GFRAL: variants seen among roughly 807,000 people sequenced by gnomAD.
GFRAL encodes the protein GDNF family receptor alpha like.
Under a neutral mutation model 45.4 loss-of-function variants are expected in GFRAL, and 36 were observed. That is an observed-to-expected ratio of 0.79 (90% CI 0.61 to 1.05). The LOEUF (loss-of-function observed/expected upper bound fraction) is 1.05. Among genes scored for constraint, GFRAL ranks in the 50% least tolerant of loss-of-function variants. The probability of loss-of-function intolerance (pLI) is 0.00; values close to 1 mark genes in which losing one functional copy is unlikely to be tolerated. For missense variants in GFRAL, 507 were observed against 467.5 expected (o/e 1.08, Z -0.78); for synonymous variants, 166 against 154.1 (o/e 1.08, Z -0.57).
intron 6 of GFRAL, among the ~76,000 whole-genome samples, chr6:55,397,087 G>C (rs1050748439): frequency 9.9e-5 from 15 of 151,966 alleles, no homozygotes; most frequent in Admixed American, 2.0e-4. Context: ...ATGTTGGCCA[G>C]GCTGGCTTCA....
At chr6:55,363,026 G>A (rs575768534) in intron 6 of GFRAL, among the ~76,000 whole-genome samples, 1 of 151,064 alleles carries the variant, frequency 6.6e-6, no homozygotes, top group East Asian at 2.0e-4. Context: ...AGAAGAAGTA[G>A]GAGACAAAAG....
At chr6:55,347,014 T>C (rs2127354069) in intron 3 of GFRAL, among the ~76,000 whole-genome samples, 1 of 152,112 alleles carries the variant, frequency 6.6e-6, no homozygotes, top group South Asian at 2.1e-4. Context: ...CAAAACAGTA[T>C]AAATGAGCAG....
At chr6:55,386,717 G>T (rs1251688620) in intron 6 of GFRAL, among the ~76,000 whole-genome samples, 2 of 152,122 alleles carry the variant, frequency 1.3e-5, no homozygotes, top group Non-Finnish European at 2.9e-5. Flanking sequence ...CTCAAGAGAA[G>T]AGACATGGAG....
intron 3 of GFRAL, among the ~76,000 whole-genome samples, chr6:55,347,979 T>G (rs1471947699): frequency 6.6e-6 from 1 of 151,684 alleles, no homozygotes; most frequent in Non-Finnish European, 1.5e-5. Context: ...AATCAAAATA[T>G]TTACATATAC....
In GFRAL at chr6:55,328,285, G is replaced by C. The variant is rs371603078; in HGVS notation, c.22+709G>C. Among the ~76,000 whole-genome samples, 41 of 151,932 alleles carry C rather than the reference G, an allele frequency of 2.7e-4. 1 individual carries two copies. In the South Asian group the frequency reaches 4.1e-3, roughly 15 times the overall value. On this transcript the variant is annotated intron_variant, in intron 1 of 8. Transcript: ENST00000340465. ...TATTTTATATCTTCTTTAGCATTTG[G>C]TAGAATCTATAAACTGAATTCAGAA...
At chr6:55,357,039 A>T (rs1438831351) in intron 5 of GFRAL, among the ~76,000 whole-genome samples, 2 of 151,836 alleles carry the variant, frequency 1.3e-5, no homozygotes, top group Non-Finnish European at 2.9e-5. Context: ...GTTTTATTCC[A>T]TTGTCATCAG....
chr6:55,355,934 G>A (rs1273674379), intron 5 of GFRAL, among the ~76,000 whole-genome samples: 1 of 151,934 alleles, frequency 6.6e-6, no homozygotes, highest in Admixed American at 6.6e-5. Flanking sequence ...TTATCATGAA[G>A]GAACGTAGAG....
intron 5 of GFRAL, among the ~76,000 whole-genome samples, chr6:55,355,663 T>A (rs1255363709): frequency 6.6e-6 from 1 of 151,994 alleles, no homozygotes; most frequent in Non-Finnish European, 1.5e-5. Flanking sequence ...AATTATATAA[T>A]CTGCAAACAA....
intron 6 of GFRAL, among the ~76,000 whole-genome samples, chr6:55,363,912 C>A (rs1768316225): frequency 6.6e-6 from 1 of 150,386 alleles, no homozygotes; most frequent in South Asian, 2.1e-4. Flanking sequence ...GTGCATGTGT[C>A]TTTATAGCAG....
chr6:55,388,238 A>T (rs940606066), intron 6 of GFRAL, among the ~76,000 whole-genome samples: 1 of 151,916 alleles, frequency 6.6e-6, no homozygotes, highest in African/African-American at 2.4e-5. Context: ...TTCAAAAAAA[A>T]CTCAGTTGCA....
At chr6:55,392,378 C>A (rs1169255007) in intron 6 of GFRAL, among the ~76,000 whole-genome samples, 2 of 152,152 alleles carry the variant, frequency 1.3e-5, no homozygotes, top group African/African-American at 4.8e-5. Context: ...CATAGGTAAC[C>A]TTTACTTGGG....
At chr6:55,376,903 T>C (rs1768542163) in intron 6 of GFRAL, among the ~76,000 whole-genome samples, 1 of 152,060 alleles carries the variant, frequency 6.6e-6, no homozygotes, top group Non-Finnish European at 1.5e-5. Flanking sequence ...CTTGGATATT[T>C]TTCAATCTTA....
At chr6:55,401,451 C>T (rs565951721) in intron 8 of GFRAL, among the ~76,000 whole-genome samples, 1 of 152,270 alleles carries the variant, frequency 6.6e-6, no homozygotes, top group African/African-American at 2.4e-5. Context: ...ATGTGAATAC[C>T]TGTCTTCTGT....
intron 3 of GFRAL, among the ~76,000 whole-genome samples, chr6:55,338,419 G>T (rs1767918922): frequency 6.6e-6 from 1 of 152,088 alleles, no homozygotes; most frequent in African/African-American, 2.4e-5. Context: ...TAATATCTGA[G>T]ATTTCTCAGA....
chr6:55,386,110 C>T (rs142064216), intron 6 of GFRAL, among the ~76,000 whole-genome samples: 2 of 151,940 alleles, frequency 1.3e-5, no homozygotes, highest in East Asian at 3.9e-4. Flanking sequence ...TCTTTCTTTG[C>T]CCTTGAAAAA....
chr6:55,352,333 G>A (rs6917737), intron 5 of GFRAL, among the ~76,000 whole-genome samples: 60,669 of 151,956 alleles, frequency 0.4, 13,296 homozygotes, highest in Non-Finnish European at 0.51. Context: ...TAAGAGAAAA[G>A]GGATAGAGAA....
chr6:55,391,586 TAGAAAAAATAAAA>T (rs1768754600), intron 6 of GFRAL, among the ~76,000 whole-genome samples: 1 of 152,032 alleles, frequency 6.6e-6, no homozygotes, highest in Non-Finnish European at 1.5e-5. Flanking sequence ...GCCTTGTCTC[TAGAAAAAATAAAA>T]ATTAGTAGGG....
At chr6:55,372,641 G>C (rs1768466361) in intron 6 of GFRAL, among the ~76,000 whole-genome samples, 1 of 152,066 alleles carries the variant, frequency 6.6e-6, no homozygotes. Flanking sequence ...GCATTTTATG[G>C]TTCGATGGTG....
At chr6:55,347,885 A>C (rs143664307) in intron 3 of GFRAL, among the ~76,000 whole-genome samples, 165 of 152,238 alleles carry the variant, frequency 1.1e-3, no homozygotes, top group African/African-American at 3.8e-3. Context: ...TCTCTGTTGC[A>C]TTTAATTCAA....
Sources: allele counts gnomAD v4.1 joint callset (sites outside exome capture counted in the v4.1 genomes callset), GRCh38; gene constraint gnomAD v4.1.1; transcripts MANE v1.5; gene names NCBI Gene and HGNC (gene_info 2026-07-23, HGNC 2026-07-21).